PROSER2: variants seen among roughly 807,000 people sequenced by gnomAD.
The protein encoded by PROSER2 is proline and serine rich 2, also known as proline and serine-rich protein 2.
PROSER2 carries 18 observed loss-of-function variants against 14.6 expected under a neutral mutation model. The ratio of observed to expected loss-of-function variants is 1.23; its 90% CI spans 0.85 to 1.83. PROSER2 has a LOEUF of 1.83. PROSER2 is among the 40% of genes most tolerant of loss of function. PROSER2 has a pLI of 0.00. For synonymous variants in PROSER2, 367 were observed against 286.4 expected, an observed-to-expected ratio of 1.28 and a Z score of -2.84; for missense variants, 823 against 629.8, an observed-to-expected ratio of 1.31 and a Z score of -3.28.
chr10:11,851,208 C>T (rs1419183865), intron 1 of PROSER2: 2 of 152,038 alleles, frequency 1.3e-5, no homozygotes, highest in Non-Finnish European at 2.9e-5. Flanking sequence ...AGAGTGAGAC[C>T]TTATTTCAAA....
chr10:11,857,891 AG>A (rs1291841491), intron 2 of PROSER2, among the ~76,000 whole-genome samples: 4 of 152,156 alleles, frequency 2.6e-5, no homozygotes, highest in Non-Finnish European at 5.9e-5. Context: ...AATCCCTCAC[AG>A]GGGGTTGCCA....
Position 11,869,952 on chromosome 10 carries a change from T to G in PROSER2, c.854T>G (p.Val285Gly). ...AVSVQERRAQ[V>G]LATIHGHAGA... ...AGCGTGCAGGAGCGCAGGGCGCAGG[T>G]GTTGGCCACCATCCACGGCCACGCC... The change falls in exon 4 of 4, where the codon GTG (valine) becomes GGG (glycine). Residue 285 changes from valine to glycine, a missense_variant. By Grantham distance (109) the Val-to-Gly change is moderately radical (BLOSUM62 -3). Coordinates refer to ENST00000277570, the MANE Select transcript of PROSER2 (RefSeq NM_153256.4). This position sits in a 1 kb window ranked among gnomAD's most constrained non-coding sequence, Gnocchi z 4.4. 1.4e-6 allele frequency: 2 copies of G among 1,459,774 alleles called. No homozygotes were observed. Among genetic ancestry groups the G allele is most frequent in the Non-Finnish European group, 1.8e-6 (2 of 1,110,720 alleles). The allele number at this position is 1,459,774 out of a possible 1,614,324, so 90.4% of individuals were successfully genotyped here.
intron 1 of PROSER2, among the ~76,000 whole-genome samples, chr10:11,842,120 G>T (rs1469973755): frequency 6.6e-6 from 1 of 151,816 alleles, no homozygotes; most frequent in Non-Finnish European, 1.5e-5. Flanking sequence ...TACTTGAGAG[G>T]CTAAGGCAAG....
rs114691497 is a variant in PROSER2 at position 11,830,889 on chromosome 10, C to T, written c.-82+7419C>T. On this transcript the variant is annotated intron_variant, in intron 1 of 3. Transcript: ENST00000277570. The surrounding 1 kb of genome is among the most constrained non-coding windows in gnomAD (Gnocchi z 4.5). Reference sequence around the variant, plus strand: ...AGGTTCCCCAGAGGTATAGGAAGAGCGGGAGGAGAAGCAGCCTCTAGCTCC... The same window carrying T: ...AGGTTCCCCAGAGGTATAGGAAGAGTGGGAGGAGAAGCAGCCTCTAGCTCC... Among the ~76,000 whole-genome samples, 3,077 of 152,244 alleles carry T rather than the reference C, an allele frequency of 0.02. 93 individuals are homozygous for T. Among genetic ancestry groups the T allele is most frequent in the African/African-American group, 0.069 (2,856 of 41,530 alleles).
Position 11,870,490 on chromosome 10 carries a change from T to C in PROSER2, c.*84T>C, listed in dbSNP as rs1329683278. 8.3e-7 allele frequency: 1 copy of C among 1,209,484 alleles called. No homozygotes were observed. The highest frequency in any genetic ancestry group is 1.1e-6 in the Non-Finnish European group (1 of 912,958). The allele number at this position is 1,209,484 out of a possible 1,614,324, so 74.9% of individuals were successfully genotyped here. On this transcript the variant is annotated 3_prime_UTR_variant, in exon 4 of 4. Transcript: ENST00000277570. ...GTCGCTGCACCCAGGAGCTGTTTGGTCTAAAATGGAAGTGACAGCGGGAGC... is the reference window on the plus strand; with the variant it reads ...GTCGCTGCACCCAGGAGCTGTTTGGCCTAAAATGGAAGTGACAGCGGGAGC...
In PROSER2 at chr10:11,856,283, C is replaced by T. The variant is rs1834121290; in HGVS notation, c.138+4068C>T. Reference sequence around the variant, plus strand: ...CACCGTCACCCTCTAAGGCCTGTGTCTCCAGGGCTCACCTCGTCTCACAAA... The same window carrying T: ...CACCGTCACCCTCTAAGGCCTGTGTTTCCAGGGCTCACCTCGTCTCACAAA... On this transcript the variant is annotated intron_variant, in intron 2 of 3. Coordinates refer to ENST00000277570, the MANE Select transcript of PROSER2 (RefSeq NM_153256.4). This position sits in a 1 kb window ranked among gnomAD's most constrained non-coding sequence, Gnocchi z 5.3. Among the ~76,000 whole-genome samples, 1 of 152,202 alleles carries T rather than the reference C, an allele frequency of 6.6e-6. No homozygotes were observed. The highest frequency in any genetic ancestry group is 2.1e-4 in the South Asian group (1 of 4,824).
chr10:11,869,290 A>G lies in PROSER2; in HGVS notation c.392-200A>G. ...AGGGCTATCGTGATTGTCCCTTATC[A>G]GCGTGAGGTCATGAGCATGACATAC... On this transcript the variant is annotated intron_variant, in intron 3 of 3. Transcript: ENST00000277570. The surrounding 1 kb of genome is among the most constrained non-coding windows in gnomAD (Gnocchi z 4.4). 2 of 602,596 alleles carry G rather than the reference A, an allele frequency of 3.3e-6. No homozygotes were observed. The highest frequency in any genetic ancestry group is 5.9e-6 in the Non-Finnish European group (2 of 337,316). The allele number at this position is 602,596 out of a possible 1,614,324, so 37.3% of individuals were successfully genotyped here.
intron 2 of PROSER2, among the ~76,000 whole-genome samples, chr10:11,860,198 G>A (rs1232800520): frequency 6.6e-6 from 1 of 152,214 alleles, no homozygotes; most frequent in Non-Finnish European, 1.5e-5. Flanking sequence ...AAGGTGCTTG[G>A]GATACACACC....
rs1834318900 is a variant in PROSER2 at position 11,865,033 on chromosome 10, AC to A, written c.139-1497del. ...TTGATTTTTATTCATTAGGTTGTAC[AC>A]TAAGGACCCCTTTCAGTTTGGAAAC... On this transcript the variant is annotated intron_variant, in intron 2 of 3. Transcript: ENST00000277570. The surrounding 1 kb of genome is among the most constrained non-coding windows in gnomAD (Gnocchi z 4.2). Among the ~76,000 whole-genome samples the A allele has an allele frequency of 6.6e-6, 1 of 152,150 alleles. No individual in the cohort carries two copies. Among genetic ancestry groups the A allele is most frequent in the South Asian group, 2.1e-4 (1 of 4,826 alleles).
intron 1 of PROSER2, among the ~76,000 whole-genome samples, chr10:11,835,546 T>A (rs1016449358): frequency 5.9e-5 from 9 of 152,244 alleles, no homozygotes; most frequent in African/African-American, 2.2e-4. Flanking sequence ...GGACTCAGTT[T>A]CCTTCAATTT....
intron 2 of PROSER2, among the ~76,000 whole-genome samples, chr10:11,855,568 C>T (rs1252257786): frequency 6.6e-6 from 1 of 151,902 alleles, no homozygotes; most frequent in Non-Finnish European, 1.5e-5. Flanking sequence ...TGGAGTGTCA[C>T]CTGGTATATA....
chr10:11,862,324 G>A lies in PROSER2; in HGVS notation c.139-4207G>A, dbSNP rs1834260947. ...TAAAATTTATGTGGAAATAAAAAAG[G>A]ACTAAGAAAGCTAAACAGACTTAAG... is the stretch of plus-strand genomic sequence containing the variant. On this transcript the variant is annotated intron_variant, in intron 2 of 3. Transcript: ENST00000277570. The surrounding 1 kb of genome is among the most constrained non-coding windows in gnomAD (Gnocchi z 4.2). 6.6e-6 allele frequency among the ~76,000 whole-genome samples: 1 copy of A among 152,146 alleles called. No individual in the cohort carries two copies. The highest frequency in any genetic ancestry group is 2.1e-4 in the South Asian group (1 of 4,832).
At position 11,870,613 on chromosome 10, in the gene PROSER2, T is replaced by G. The variant is rs1239830293; in HGVS notation, c.*207T>G. The G allele has an allele frequency of 2.1e-6, 1 of 474,000 alleles. No individual in the cohort carries two copies. The allele number at this position is 474,000 out of a possible 1,614,324, so 29.4% of individuals were successfully genotyped here. On this transcript the variant is annotated 3_prime_UTR_variant, in exon 4 of 4. Transcript: ENST00000277570. ...CTCCAGCCACCGGCACAGAGAACTC[T>G]TCCCTAAAGGAATCTGGCCGAGGGC...
At position 11,870,361 on chromosome 10, in the gene PROSER2, C is replaced by A; in HGVS notation, c.1263C>A (p.Arg421=). 6.6e-7 allele frequency: 1 copy of A among 1,507,904 alleles called. No homozygotes were observed. The highest frequency in any genetic ancestry group is 2.8e-5 in the East Asian group (1 of 36,026). The allele number at this position is 1,507,904 out of a possible 1,614,324, so 93.4% of individuals were successfully genotyped here. The change falls in exon 4 of 4, where the codon CGC becomes CGA. Residue 421 remains arginine (R), a synonymous_variant. Transcript: ENST00000277570. ...FAGRGSSEEA[R]REALRKLGLL... ...GCCGCGGCTCCTCGGAGGAGGCGCG[C>A]AGGGAGGCCCTGCGGAAGCTGGGGC...
At position 11,869,728 on chromosome 10, in the gene PROSER2, C is replaced by T. The variant is rs764051511; in HGVS notation, c.630C>T (p.Ala210=). The change falls in exon 4 of 4, where the codon GCC becomes GCT. Residue 210 remains alanine, a synonymous_variant. Coordinates refer to ENST00000277570, the MANE Select transcript of PROSER2 (RefSeq NM_153256.4). This position sits in a 1 kb window ranked among gnomAD's most constrained non-coding sequence, Gnocchi z 4.4. ...KISERMAGNE[A]LSPTSPFREG... is the part of the protein sequence containing the mutation. ...CCGAGAGGATGGCGGGGAACGAAGC[C>T]CTCTCGCCCACCTCCCCGTTCAGGG... 1.1e-4 allele frequency: 171 copies of T among 1,590,696 alleles called. No individual in the cohort carries two copies. The highest frequency in any genetic ancestry group is 1.4e-4 in the Non-Finnish European group (164 of 1,169,814).
intron 1 of PROSER2, among the ~76,000 whole-genome samples, chr10:11,826,963 C>T (rs960167223): frequency 3.4e-5 from 5 of 148,888 alleles, no homozygotes; most frequent in African/African-American, 1.2e-4. Context: ...CAGCTCACTG[C>T]AGCCTCAACC....
chr10:11,868,191 A>G (rs1243125593), intron 3 of PROSER2, among the ~76,000 whole-genome samples: 1 of 152,244 alleles, frequency 6.6e-6, no homozygotes, highest in African/African-American at 2.4e-5. Flanking sequence ...TTAAAATGTG[A>G]GATCACGTAG....
intron 1 of PROSER2, among the ~76,000 whole-genome samples, chr10:11,848,472 C>G (rs1293420011): frequency 1.3e-5 from 2 of 152,110 alleles, no homozygotes; most frequent in Non-Finnish European, 2.9e-5. Context: ...CCTGGCCCCC[C>G]ACTCTGTTCT....
chr10:11,842,703 C>T (rs1174711390), intron 1 of PROSER2, among the ~76,000 whole-genome samples: 1 of 152,002 alleles, frequency 6.6e-6, no homozygotes, highest in Non-Finnish European at 1.5e-5. Context: ...CCGACTCGCT[C>T]TGTTTTTATT....
Sources: allele counts gnomAD v4.1 joint callset (sites outside exome capture counted in the v4.1 genomes callset), GRCh38; gene constraint gnomAD v4.1.1; non-coding constraint Gnocchi (gnomAD v3.1); transcripts MANE v1.5; gene names NCBI Gene and HGNC (gene_info 2026-07-23, HGNC 2026-07-21).